The following CDH4 variants were observed in gnomAD, a reference collection of about 807,000 sequenced individuals.
CDH4 encodes the protein cadherin-4.
Under a neutral mutation model 86.0 loss-of-function variants are expected in CDH4, and 33 were observed. The ratio of observed to expected loss-of-function variants is 0.38; its 90% CI spans 0.29 to 0.51. The LOEUF (loss-of-function observed/expected upper bound fraction) is 0.51. Ranked by LOEUF, CDH4 falls within the 20% of genes least tolerant of loss-of-function variation. The pLI is 0.86. For missense variants in CDH4, 1,114 were observed against 1,307.4 expected (o/e 0.85, Z 2.28); for synonymous variants, 555 against 549.4 (o/e 1.01, Z -0.14).
intron 2 of CDH4, chr20:61,370,045 C>T (rs546298293): frequency 2.6e-4 from 40 of 152,478 alleles, no homozygotes; most frequent in East Asian, 2.1e-3. Context: ...GGTTTCTGAG[C>T]CATGCAGGGC....
chr20:61,619,240 TAGCCCC>T (rs765293489), intron 2 of CDH4, among the ~76,000 whole-genome samples: 182 of 152,188 alleles, frequency 1.2e-3, no homozygotes, highest in African/African-American at 3.7e-3. Context: ...TGGATGAAAC[TAGCCCC>T]AGCCCCAGCC....
At chr20:61,726,883 ATTGGTG>A (rs2088120027) in intron 2 of CDH4, among the ~76,000 whole-genome samples, 1 of 152,058 alleles carries the variant, frequency 6.6e-6, no homozygotes, top group African/African-American at 2.4e-5. Context: ...AGGCATCACC[ATTGGTG>A]CCATCATCAT....
At chr20:61,562,040 A>G (rs2086220449) in intron 2 of CDH4, among the ~76,000 whole-genome samples, 1 of 143,380 alleles carries the variant, frequency 7.0e-6, no homozygotes, top group Admixed American at 7.0e-5. Context: ...CTTCGTGTGG[A>G]GAGGTGGACC....
intron 2 of CDH4, among the ~76,000 whole-genome samples, chr20:61,275,263 G>A (rs1468931521): frequency 6.8e-6 from 1 of 146,430 alleles, no homozygotes; most frequent in African/African-American, 2.6e-5. Flanking sequence ...GTGCAGTTTG[G>A]GGGAGCACCA....
intron 2 of CDH4, among the ~76,000 whole-genome samples, chr20:61,447,564 G>A (rs1266798792): frequency 6.6e-6 from 1 of 150,616 alleles, no homozygotes; most frequent in African/African-American, 2.4e-5. Flanking sequence ...ATCATTCGGG[G>A]TCTCCTACTT....
intron 2 of CDH4, among the ~76,000 whole-genome samples, chr20:61,380,691 G>A (rs987082754): frequency 2.0e-5 from 3 of 152,182 alleles, no homozygotes; most frequent in Non-Finnish European, 4.4e-5. Flanking sequence ...GCATTTTAAA[G>A]ACCATATGAA....
intron 2 of CDH4, among the ~76,000 whole-genome samples, chr20:61,603,187 C>A (rs1313390445): frequency 6.6e-6 from 1 of 152,124 alleles, no homozygotes. Context: ...TGGGGTGTGG[C>A]CAGGGATGAC....
rs142889015 is a variant in CDH4 at position 61,540,407 on chromosome 20, A to G, written c.170-203156A>G. 7.1e-4 allele frequency among the ~76,000 whole-genome samples: 108 copies of G among 152,258 alleles called. 1 individual carries two copies. In the East Asian group the frequency reaches 0.012, roughly 17 times the overall value. On this transcript the variant is annotated intron_variant, in intron 2 of 15. Coordinates refer to ENST00000614565, the MANE Select transcript of CDH4 (RefSeq NM_001794.5). ...CCATGTTTGAAAGGGATGACCTCAC[A>G]TGATAGGAGGGAAGTGCCCAGATGT... is the stretch of plus-strand genomic sequence containing the variant.
rs146291224 is a variant in CDH4, at chr20:61,928,074, CAT to C, written c.1772-115_1772-114del. 2,429 of 817,528 alleles carry C rather than the reference CAT, an allele frequency of 3.0e-3. 44 individuals carry two copies. In the African/African-American group the frequency reaches 0.035, roughly 12 times the overall value. The allele number at this position is 817,528 out of a possible 1,614,324, so 50.6% of individuals were successfully genotyped here. A position where few individuals can be genotyped will look rare whatever the true frequency, so the allele number is the denominator to read the frequency against. On this transcript the variant is annotated intron_variant, in intron 11 of 15. Coordinates refer to ENST00000614565, the MANE Select transcript of CDH4 (RefSeq NM_001794.5). The stretch of plus-strand genomic sequence containing the variant: ...GGCCGTGTCCGGCTGGGGGTCTGCA[CAT>C]GTGTCCCTGTGTATGTTGCACGTGG...
At chr20:61,789,693 A>G (rs1230127194) in intron 4 of CDH4, among the ~76,000 whole-genome samples, 2 of 152,232 alleles carry the variant, frequency 1.3e-5, no homozygotes, top group Non-Finnish European at 2.9e-5. Context: ...GCCTCAGCCC[A>G]GCAAACCGAC....
intron 2 of CDH4, among the ~76,000 whole-genome samples, chr20:61,338,819 TAG>T (rs1202199734): frequency 1.1e-4 from 16 of 152,220 alleles, no homozygotes; most frequent in African/African-American, 3.4e-4. Context: ...CTGAGAATCT[TAG>T]AGAAAGTTCC....
intron 2 of CDH4, among the ~76,000 whole-genome samples, chr20:61,353,672 C>CTCT (rs1262321560): frequency 0.012 from 261 of 21,304 alleles, no homozygotes; most frequent in Middle Eastern, 0.14. Context: ...CTCCTCTTCC[C>CTCT]CCTCCTCCTC....
chr20:61,733,944 C>T (rs1201761733), intron 2 of CDH4, among the ~76,000 whole-genome samples: 2 of 152,230 alleles, frequency 1.3e-5, no homozygotes, highest in South Asian at 2.1e-4. Flanking sequence ...CTGCTGCGCC[C>T]GTAAATGTCA....
chr20:61,785,072 G>A (rs1014265275), intron 4 of CDH4, among the ~76,000 whole-genome samples: 7 of 152,124 alleles, frequency 4.6e-5, no homozygotes, highest in Non-Finnish European at 7.4e-5. Flanking sequence ...CCCCAAAGGC[G>A]GGGTCAGGAC....
intron 5 of CDH4, 47 bp from the exon 6 acceptor site, chr20:61,852,707 T>G (rs1600712115): frequency 6.3e-7 from 1 of 1,584,628 alleles, no homozygotes; most frequent in Non-Finnish European, 8.6e-7. Context: ...CTCAGCTGAG[T>G]GGGGGTGCCC....
intron 8 of CDH4, among the ~76,000 whole-genome samples, chr20:61,901,787 G>A (rs1187105217): frequency 6.6e-6 from 1 of 152,238 alleles, no homozygotes; most frequent in African/African-American, 2.4e-5. Context: ...GGGTTGGGGT[G>A]ACAAGGGCAG....
At chr20:61,523,637 T>C (rs967348546) in intron 2 of CDH4, among the ~76,000 whole-genome samples, 2 of 152,192 alleles carry the variant, frequency 1.3e-5, no homozygotes, top group Admixed American at 6.5e-5. Flanking sequence ...CGGGGCTTTC[T>C]CCCAGCTACT....
intron 2 of CDH4, among the ~76,000 whole-genome samples, chr20:61,383,930 C>T (rs28539161): frequency 0.23 from 32,031 of 141,260 alleles, 4,645 homozygotes; most frequent in African/African-American, 0.32. Context: ...TCACGAGGTC[C>T]CACAATAGGC....
intron 8 of CDH4, among the ~76,000 whole-genome samples, chr20:61,904,858 C>T (rs1284612125): frequency 6.6e-6 from 1 of 152,254 alleles, no homozygotes; most frequent in Non-Finnish European, 1.5e-5. Context: ...GGGCCTGGCC[C>T]TCTCGGCCCT....
Sources: gnomAD v4.1 joint callset for allele counts (sites outside exome capture counted in the v4.1 genomes callset) on GRCh38, gnomAD v4.1.1 for gene constraint, MANE v1.5 for transcripts, NCBI Gene and HGNC (gene_info 2026-07-23, HGNC 2026-07-21) for gene names.